The following IKZF2 variants were observed in gnomAD, a reference collection of about 807,000 sequenced individuals.
The protein encoded by IKZF2 is zinc finger protein Helios.
Under a neutral mutation model 49.2 loss-of-function variants are expected in IKZF2, and 15 were observed. The observed-to-expected ratio is 0.30, with a 90% CI of 0.20 to 0.47. IKZF2 has a LOEUF of 0.47. IKZF2 is among the 20% of genes least tolerant of loss of function. The pLI, the probability that IKZF2 is intolerant of heterozygous loss-of-function variation, is 1.00. For synonymous variants in IKZF2, 227 were observed against 221.4 expected (o/e 1.03, Z -0.23); for missense variants, 567 against 664.6 (o/e 0.85, Z 1.61).
At position 213,150,124 on chromosome 2, in the gene IKZF2, G is replaced by A; in HGVS notation, c.-16+20C>T. 7.9e-7 allele frequency: 1 copy of A among 1,267,752 alleles called. No homozygotes were observed. 78.5% of individuals were successfully genotyped at this position (1,267,752 alleles called of 1,614,324 possible). On this transcript the variant is annotated intron_variant, in intron 2 of 8. Transcript: ENST00000434687. Reference sequence around the variant, plus strand: ...AAGAAGGAAAAAGAAAAAGGAGAAAGAGAAACGAAATGTACATACAAAAGA... The same window carrying A: ...AAGAAGGAAAAAGAAAAAGGAGAAAAAGAAACGAAATGTACATACAAAAGA...
intron 4 of IKZF2, among the ~76,000 whole-genome samples, chr2:213,104,392 G>A (rs749656887): frequency 6.6e-6 from 1 of 152,004 alleles, no homozygotes; most frequent in Non-Finnish European, 1.5e-5. Flanking sequence ...ATCCTAACTC[G>A]CCTATGTTCC....
intron 4 of IKZF2, among the ~76,000 whole-genome samples, chr2:213,059,786 G>A (rs1352096765): frequency 1.3e-5 from 2 of 151,410 alleles, no homozygotes; most frequent in Non-Finnish European, 3.0e-5. Context: ...AGATAAAAAT[G>A]TGATTTTTAA....
chr2:213,032,717 C>A (rs1393754072), intron 6 of IKZF2, among the ~76,000 whole-genome samples: 1 of 152,208 alleles, frequency 6.6e-6, no homozygotes. Flanking sequence ...CACCACTGCA[C>A]TGCACATACA....
intron 4 of IKZF2, among the ~76,000 whole-genome samples, chr2:213,146,861 T>C (rs2061092088): frequency 6.6e-6 from 1 of 151,570 alleles, no homozygotes; most frequent in Middle Eastern, 3.2e-3. Context: ...GTCCTTTCTA[T>C]AACATGTAAG....
intron 4 of IKZF2, among the ~76,000 whole-genome samples, chr2:213,131,024 C>T (rs1333718813): frequency 6.6e-6 from 1 of 152,114 alleles, no homozygotes; most frequent in East Asian, 1.9e-4. Flanking sequence ...ATAATGATTG[C>T]TCATGTAACA....
chr2:213,133,704 AAAT>A (rs2060552692), intron 4 of IKZF2, among the ~76,000 whole-genome samples: 6 of 12,070 alleles, frequency 5.0e-4, no homozygotes, highest in Middle Eastern at 0.25. Flanking sequence ...CGTCTCGAAA[AAAT>A]AAATAAATAA....
chr2:213,085,424 A>C (rs994349919), intron 4 of IKZF2, among the ~76,000 whole-genome samples: 1 of 152,214 alleles, frequency 6.6e-6, no homozygotes, highest in Non-Finnish European at 1.5e-5. Flanking sequence ...AATGTATTTC[A>C]ATATGATTCA....
chr2:213,014,080 G>C (rs147070286), intron 7 of IKZF2, 146 bp from the exon 8 acceptor site: 2 of 639,632 alleles, frequency 3.1e-6, no homozygotes, highest in East Asian at 2.7e-5. Flanking sequence ...TAGTGTGAAA[G>C]TATACTCTTT....
At chr2:213,070,056 T>C (rs1173592189) in intron 4 of IKZF2, among the ~76,000 whole-genome samples, 1 of 152,112 alleles carries the variant, frequency 6.6e-6, no homozygotes. Context: ...AAGTTTATAT[T>C]CAAATGTCTG....
intron 6 of IKZF2, among the ~76,000 whole-genome samples, chr2:213,047,778 T>C (rs144776807): frequency 3.9e-5 from 6 of 152,168 alleles, no homozygotes; most frequent in Admixed American, 2.6e-4. Flanking sequence ...GGGCATCTCT[T>C]TAGAAATACT....
intron 6 of IKZF2, among the ~76,000 whole-genome samples, chr2:213,029,124 T>A (rs1249100121): frequency 6.6e-6 from 1 of 152,014 alleles, no homozygotes; most frequent in East Asian, 1.9e-4. Flanking sequence ...TTATGCAGTA[T>A]TTTTTTCTTG....
At chr2:213,080,198 A>ATAGATAGATAGG (rs142164690) in intron 4 of IKZF2, among the ~76,000 whole-genome samples, 14 of 151,850 alleles carry the variant, frequency 9.2e-5, no homozygotes, top group Non-Finnish European at 1.8e-4. Context: ...AGATAGATAG[A>ATAGATAGATAGG]TAGATAGATA....
intron 3 of IKZF2, 40 bp downstream of exon 3, chr2:213,148,556 C>A (rs373117889): frequency 2.7e-6 from 4 of 1,476,224 alleles, no homozygotes; most frequent in Non-Finnish European, 2.8e-6. Flanking sequence ...ACAAAGGCAA[C>A]TTTATTACCA....
At chr2:213,069,221 G>A (rs1702451481) in intron 4 of IKZF2, among the ~76,000 whole-genome samples, 1 of 152,018 alleles carries the variant, frequency 6.6e-6, no homozygotes, top group Admixed American at 6.6e-5. Context: ...ATTGTGCCTA[G>A]CCTAGTGATA....
intron 4 of IKZF2, among the ~76,000 whole-genome samples, chr2:213,100,136 G>A (rs1706483660): frequency 6.6e-6 from 1 of 152,010 alleles, no homozygotes; most frequent in East Asian, 1.9e-4. Flanking sequence ...CCTTCTGTGG[G>A]AAGGACCAAT....
At chr2:213,056,494 C>G (rs987207735) in intron 5 of IKZF2, 12 of 384,698 alleles carry the variant, frequency 3.1e-5, no homozygotes, top group African/African-American at 2.5e-4. Flanking sequence ...ACTATATTAC[C>G]TGCCCATGGG....
At chr2:213,134,628 T>C (rs2060589835) in intron 4 of IKZF2, among the ~76,000 whole-genome samples, 1 of 152,210 alleles carries the variant, frequency 6.6e-6, no homozygotes, top group African/African-American at 2.4e-5. Context: ...TTTTAACCAA[T>C]CTACCCCCAT....
chr2:213,134,560 C>CT (rs1024630183), intron 4 of IKZF2, among the ~76,000 whole-genome samples: 10 of 152,216 alleles, frequency 6.6e-5, no homozygotes, highest in African/African-American at 2.4e-4. Flanking sequence ...GCACCACTAA[C>CT]TTTTATCCTG....
intron 6 of IKZF2, among the ~76,000 whole-genome samples, chr2:213,034,815 G>T (rs1348898147): frequency 6.6e-6 from 1 of 152,176 alleles, no homozygotes; most frequent in Non-Finnish European, 1.5e-5. Flanking sequence ...GACTTGCTTG[G>T]AATTAGGGTT....
Sources: allele counts gnomAD v4.1 joint callset (sites outside exome capture counted in the v4.1 genomes callset), GRCh38; gene constraint gnomAD v4.1.1; transcripts MANE v1.5; gene names NCBI Gene and HGNC (gene_info 2026-07-23, HGNC 2026-07-21).